Variants in NTM observed in about 807,000 individuals in gnomAD.
The protein encoded by NTM is IgLON family member 2.
Under a neutral mutation model 42.1 loss-of-function variants are expected in NTM, and 13 were observed. The ratio of observed to expected loss-of-function variants is 0.31; its 90% CI spans 0.20 to 0.49. NTM has a LOEUF of 0.49. Among genes scored for constraint, NTM ranks in the 20% least tolerant of loss-of-function variants. The pLI is 0.99. For synonymous variants in NTM, 187 were observed against 179.2 expected, an observed-to-expected ratio of 1.04 and a Z score of -0.35; for missense variants, 373 against 452.8, an observed-to-expected ratio of 0.82 and a Z score of 1.60.
chr11:131,391,686 G>A (rs982229029), intron 1 of NTM, among the ~76,000 whole-genome samples: 14 of 150,536 alleles, frequency 9.3e-5, no homozygotes, highest in African/African-American at 2.9e-4. Flanking sequence ...AGAAGGCTAG[G>A]ATTGGGTGCG....
intron 1 of NTM, among the ~76,000 whole-genome samples, chr11:131,469,953 G>A (rs1952275358): frequency 6.6e-6 from 1 of 152,142 alleles, no homozygotes; most frequent in Non-Finnish European, 1.5e-5. Context: ...TATGAATCTG[G>A]TCTGCATTTA....
intron 3 of NTM, among the ~76,000 whole-genome samples, chr11:132,183,406 A>G (rs985753364): frequency 6.6e-6 from 1 of 152,142 alleles, no homozygotes; most frequent in Non-Finnish European, 1.5e-5. Flanking sequence ...CACCATGGAG[A>G]AACTTTAGCA....
In NTM at chr11:131,911,713, G is replaced by T. The variant is rs533737577; in HGVS notation, c.167+65G>T. On this transcript the variant is annotated intron_variant, in intron 2 of 8. Coordinates refer to ENST00000683400, the MANE Select transcript of NTM (RefSeq NM_001352005.2). ...TGGGGTCGGGGTAAGGGGCAGGGGT[G>T]CAGGTGTGTGCACTGAGGCGTGCCT... 28 of 1,596,216 alleles carry T rather than the reference G, an allele frequency of 1.8e-5. No homozygotes were observed. In the South Asian group the frequency reaches 3.0e-4, roughly 17 times the overall value.
intron 1 of NTM, among the ~76,000 whole-genome samples, chr11:131,651,104 G>A (rs914427460): frequency 4.6e-5 from 7 of 152,112 alleles, no homozygotes; most frequent in African/African-American, 1.7e-4. Flanking sequence ...TGCAACTACC[G>A]ACTGTTCTCA....
intron 1 of NTM, among the ~76,000 whole-genome samples, chr11:131,386,140 A>G (rs991607773): frequency 6.6e-6 from 1 of 152,226 alleles, no homozygotes; most frequent in Non-Finnish European, 1.5e-5. Flanking sequence ...TCAGTTTTAA[A>G]AGGGAAGGCA....
chr11:132,070,077 C>A (rs373915509), intron 2 of NTM, among the ~76,000 whole-genome samples: 36 of 143,904 alleles, frequency 2.5e-4, no homozygotes, highest in South Asian at 2.3e-3. Context: ...CAAGTTAACA[C>A]GTCACACAGC....
chr11:131,993,318 G>A (rs1474381469), intron 2 of NTM, among the ~76,000 whole-genome samples: 3 of 152,116 alleles, frequency 2.0e-5, no homozygotes, highest in Non-Finnish European at 4.4e-5. Context: ...CGGGAAGGTG[G>A]AGTAGGCAGT....
chr11:132,166,352 C>T (rs564746228), intron 3 of NTM, among the ~76,000 whole-genome samples: 215 of 152,260 alleles, frequency 1.4e-3, no homozygotes, highest in Non-Finnish European at 2.2e-3. Flanking sequence ...GCAGAAACCT[C>T]ACCCACGATA....
chr11:131,973,850 G>T (rs908942582), intron 2 of NTM, among the ~76,000 whole-genome samples: 1 of 151,996 alleles, frequency 6.6e-6, no homozygotes, highest in African/African-American at 2.4e-5. Flanking sequence ...AGAGTAACTG[G>T]CACAGCATAG....
At chr11:131,864,091 G>A (rs1348689124) in intron 1 of NTM, among the ~76,000 whole-genome samples, 1 of 152,100 alleles carries the variant, frequency 6.6e-6, no homozygotes, top group Non-Finnish European at 1.5e-5. Flanking sequence ...GAAGTGAGAG[G>A]CAGGGAGTTA....
intron 3 of NTM, among the ~76,000 whole-genome samples, chr11:132,163,892 G>T (rs1025881183): frequency 1.5e-4 from 22 of 147,512 alleles, no homozygotes; most frequent in Admixed American, 1.2e-3. Flanking sequence ...TGGTGTCTTT[G>T]TTTTTTTTTT....
intron 1 of NTM, among the ~76,000 whole-genome samples, chr11:131,708,188 C>T (rs2076774099): frequency 1.3e-5 from 2 of 152,078 alleles, no homozygotes; most frequent in South Asian, 4.2e-4. Context: ...ATATAACAAA[C>T]CGTTAATACC....
chr11:131,651,783 G>A (rs1214376807), intron 1 of NTM, among the ~76,000 whole-genome samples: 1 of 152,106 alleles, frequency 6.6e-6, no homozygotes, highest in Non-Finnish European at 1.5e-5. Flanking sequence ...GGAGGCTGCA[G>A]TGAGCTGAGA....
chr11:132,062,333 G>A (rs1472002215), intron 2 of NTM, among the ~76,000 whole-genome samples: 2 of 152,296 alleles, frequency 1.3e-5, no homozygotes, highest in East Asian at 1.9e-4. Flanking sequence ...AGATTTGGCA[G>A]GTGCTGACCC....
chr11:131,588,040 C>T (rs940749652), intron 1 of NTM, among the ~76,000 whole-genome samples: 1 of 152,336 alleles, frequency 6.6e-6, no homozygotes, highest in African/African-American at 2.4e-5. Context: ...AAATGATTGT[C>T]ATGTATTGTC....
At chr11:132,302,184 G>A (rs1401537180) in intron 4 of NTM, among the ~76,000 whole-genome samples, 5 of 152,058 alleles carry the variant, frequency 3.3e-5, no homozygotes, top group East Asian at 1.9e-4. Flanking sequence ...TCCCTGCTTC[G>A]GTTGTCGTAT....
intron 4 of NTM, among the ~76,000 whole-genome samples, chr11:132,253,253 T>C (rs1055282266): frequency 6.6e-6 from 1 of 152,198 alleles, no homozygotes; most frequent in African/African-American, 2.4e-5. Flanking sequence ...GCTTTTTCTA[T>C]GCATGACTTC....
At chr11:132,056,958 C>T (rs966922099) in intron 2 of NTM, among the ~76,000 whole-genome samples, 2 of 152,150 alleles carry the variant, frequency 1.3e-5, no homozygotes, top group African/African-American at 4.8e-5. Context: ...CCAGGGGCGC[C>T]GCCTGCTTTG....
chr11:132,053,385 G>T (rs1452799947), intron 2 of NTM, among the ~76,000 whole-genome samples: 1 of 152,222 alleles, frequency 6.6e-6, no homozygotes, highest in South Asian at 2.1e-4. Flanking sequence ...TCCAGGCACA[G>T]AACTCTGGTC....
Sources: allele counts gnomAD v4.1 joint callset (sites outside exome capture counted in the v4.1 genomes callset), GRCh38; gene constraint gnomAD v4.1.1; transcripts MANE v1.5; gene names NCBI Gene and HGNC (gene_info 2026-07-23, HGNC 2026-07-21).